Variants in SLC14A2 observed in about 807,000 individuals in gnomAD.
SLC14A2 encodes the protein urea transporter 2.
A neutral mutation model predicts 104.6 loss-of-function variants in SLC14A2; 91 were observed. That is an observed-to-expected ratio of 0.87 (90% CI 0.73 to 1.04). The LOEUF is 1.04. Ranked by LOEUF, SLC14A2 falls within the 50% of genes least tolerant of loss-of-function variation. The pLI, the probability that SLC14A2 is intolerant of heterozygous loss-of-function variation, is 0.00. For synonymous variants in SLC14A2, 476 were observed against 466.4 expected, an observed-to-expected ratio of 1.02 and a Z score of -0.27; for missense variants, 1,189 against 1,156.0, an observed-to-expected ratio of 1.03 and a Z score of -0.41.
At chr18:45,267,077 C>A (rs1210560202) in intron 1 of SLC14A2, among the ~76,000 whole-genome samples, 1 of 152,106 alleles carries the variant, frequency 6.6e-6, no homozygotes, top group East Asian at 1.9e-4. Context: ...TCCTCATGGA[C>A]AGCTTGTTTA....
At chr18:45,261,966 C>T (rs969440010) in intron 1 of SLC14A2, among the ~76,000 whole-genome samples, 3 of 152,126 alleles carry the variant, frequency 2.0e-5, no homozygotes, top group Admixed American at 6.6e-5. Context: ...AGTTCTAGAT[C>T]CCTGAGGAAT....
chr18:45,626,869 C>A, intron 3 of SLC14A2, 89 bp from the exon 4 acceptor site: 5 of 835,046 alleles, frequency 6.0e-6, no homozygotes, highest in East Asian at 5.1e-5. Context: ...CTTGCACATT[C>A]CTGTTTGCCT....
chr18:45,312,251 C>G lies in SLC14A2; in HGVS notation c.-125+99060C>G, dbSNP rs1220772207. Among the ~76,000 whole-genome samples the G allele has an allele frequency of 2.0e-5, 3 of 152,160 alleles. No individual in the cohort carries two copies. In the East Asian group the frequency reaches 5.8e-4, roughly 29 times the overall value. On this transcript the variant is annotated intron_variant, in intron 1 of 20. Transcript: ENST00000586448. The stretch of plus-strand genomic sequence containing the variant: ...AATACATTATCAATAAATGTTAGCT[C>G]TTATTATTTTTATTGGTAGGAAAGG...
At chr18:45,309,440 T>TTGATTCCCATTGTACAGATGGA (rs566327846) in intron 1 of SLC14A2, among the ~76,000 whole-genome samples, 2 of 151,974 alleles carry the variant, frequency 1.3e-5, no homozygotes, top group African/African-American at 2.4e-5. Context: ...TCCTCTTTCC[T>TTGATTCCCATTGTACAGATGGA]TGATTCCCAT....
At chr18:45,340,621 A>T (rs983888965) in intron 1 of SLC14A2, among the ~76,000 whole-genome samples, 1 of 152,248 alleles carries the variant, frequency 6.6e-6, no homozygotes, top group African/African-American at 2.4e-5. Context: ...AATGGTAAAA[A>T]TTACAATACA....
At chr18:45,483,101 ATT>A (rs949982158) in intron 1 of SLC14A2, 1 of 151,916 alleles carries the variant, frequency 6.6e-6, no homozygotes, top group Non-Finnish European at 1.5e-5. Flanking sequence ...CTGTTTCCTT[ATT>A]TTTTTCTTTT....
At chr18:45,406,732 G>T (rs567831519) in intron 1 of SLC14A2, among the ~76,000 whole-genome samples, 1 of 152,052 alleles carries the variant, frequency 6.6e-6, no homozygotes, top group Non-Finnish European at 1.5e-5. Flanking sequence ...TCCATTGTTG[G>T]CATGGAAACA....
chr18:45,386,031 G>A (rs182824101), intron 1 of SLC14A2, among the ~76,000 whole-genome samples: 2 of 152,278 alleles, frequency 1.3e-5, no homozygotes, highest in African/African-American at 4.8e-5. Context: ...GGTTGTTTGG[G>A]CCAGAAATAA....
At position 45,305,657 on chromosome 18, in the gene SLC14A2, G is replaced by A. The variant is rs983373198; in HGVS notation, c.-125+92466G>A. Among the ~76,000 whole-genome samples, 10 of 152,108 alleles carry A rather than the reference G, an allele frequency of 6.6e-5. No homozygotes were observed. In the East Asian group the frequency reaches 7.7e-4, roughly 12 times the overall value. ...TGGCATCTCTGCCTAAGTCACTAGC[G>A]CACAGCTTCTTCTTTTATTAATTGC... On this transcript the variant is annotated intron_variant, in intron 1 of 20. Transcript: ENST00000586448.
At chr18:45,549,466 C>T (rs1393210336) in intron 2 of SLC14A2, among the ~76,000 whole-genome samples, 61 of 152,230 alleles carry the variant, frequency 4.0e-4, no homozygotes, top group Admixed American at 4.0e-3. Flanking sequence ...AGACAGGAGA[C>T]AGCTTGTTCA....
chr18:45,395,809 A>G (rs1266927871), intron 1 of SLC14A2, among the ~76,000 whole-genome samples: 3 of 152,204 alleles, frequency 2.0e-5, no homozygotes, highest in East Asian at 1.9e-4. Flanking sequence ...CCACCTCAAC[A>G]ACAGGTCATG....
intron 2 of SLC14A2, among the ~76,000 whole-genome samples, chr18:45,523,543 G>T (rs1456888422): frequency 6.9e-6 from 1 of 145,490 alleles, no homozygotes; most frequent in Non-Finnish European, 1.5e-5. Context: ...CACCATGTTG[G>T]CCAAGATGGT....
At chr18:45,374,185 C>T (rs2085750829) in intron 1 of SLC14A2, among the ~76,000 whole-genome samples, 1 of 152,132 alleles carries the variant, frequency 6.6e-6, no homozygotes, top group Non-Finnish European at 1.5e-5. Context: ...CAGAGAGGCC[C>T]ACAAAAAGAT....
chr18:45,612,807 A>G (rs1298282261), upstream of SLC14A2, among the ~76,000 whole-genome samples: 1 of 152,118 alleles, frequency 6.6e-6, no homozygotes, highest in Admixed American at 6.5e-5. Context: ...CAGCTTCCCT[A>G]TGCTGTTCTC....
At chr18:45,272,375 T>C (rs987809563) in intron 1 of SLC14A2, among the ~76,000 whole-genome samples, 2 of 151,954 alleles carry the variant, frequency 1.3e-5, no homozygotes, top group Admixed American at 1.3e-4. Context: ...ATAAAGAAAA[T>C]ATGGTACATC....
At chr18:45,518,449 A>C (rs2043472512) in intron 2 of SLC14A2, among the ~76,000 whole-genome samples, 1 of 152,210 alleles carries the variant, frequency 6.6e-6, no homozygotes, top group African/African-American at 2.4e-5. Flanking sequence ...CCAACTGTCA[A>C]GTACAGCATA....
intron 4 of SLC14A2, among the ~76,000 whole-genome samples, chr18:45,629,386 C>T (rs957111640): frequency 5.9e-5 from 9 of 152,206 alleles, no homozygotes; most frequent in African/African-American, 1.9e-4. Context: ...TCCTGTGTCT[C>T]CTTCAGTTAG....
chr18:45,626,469 T>C (rs922187360), intron 3 of SLC14A2, among the ~76,000 whole-genome samples: 6 of 152,226 alleles, frequency 3.9e-5, no homozygotes, highest in African/African-American at 1.4e-4. Context: ...GACTCAGTAC[T>C]GATTTTCACA....
rs1015817329 is a variant in SLC14A2 at position 45,682,890 on chromosome 18, C to T, written c.*371C>T. On this transcript the variant is annotated 3_prime_UTR_variant, in exon 20 of 20. Transcript: ENST00000255226. Reference sequence around the variant, plus strand: ...CGGGTGGATCACGAGGTCAGGAGATCGAGACCATCCTGGCGAACATGGTGA... The same window carrying T: ...CGGGTGGATCACGAGGTCAGGAGATTGAGACCATCCTGGCGAACATGGTGA... 3 of 229,436 alleles carry T rather than the reference C, an allele frequency of 1.3e-5. No homozygotes were observed. Among genetic ancestry groups the T allele is most frequent in the Non-Finnish European group, 2.7e-5 (3 of 112,720 alleles). 14.2% of individuals were successfully genotyped at this position (229,436 alleles called of 1,614,324 possible).
Sources: allele counts gnomAD v4.1 joint callset (sites outside exome capture counted in the v4.1 genomes callset), GRCh38; gene constraint gnomAD v4.1.1; transcripts MANE v1.5; gene names NCBI Gene and HGNC (gene_info 2026-07-23, HGNC 2026-07-21).